The following ADK variants were observed in gnomAD, a reference collection of about 807,000 sequenced individuals.
The protein encoded by ADK is adenosine kinase, also known as N6,N6-dimethyladenosine kinase.
ADK carries 24 observed loss-of-function variants against 44.7 expected under a neutral mutation model. The observed-to-expected ratio is 0.54, with a 90% CI of 0.39 to 0.76. The LOEUF is 0.76. Among genes scored for constraint, ADK ranks in the 30% least tolerant of loss-of-function variants. The pLI is 0.00. For synonymous variants in ADK, 128 were observed against 142.6 expected (o/e 0.90, Z 0.73); for missense variants, 321 against 425.1 (o/e 0.76, Z 2.15).
At chr10:74,623,313 C>A (rs10509350) in intron 9 of ADK, among the ~76,000 whole-genome samples, 31,818 of 152,068 alleles carry the variant, frequency 0.21, 4,056 homozygotes, top group African/African-American at 0.35. Context: ...CCCTGTCTTA[C>A]AGTATCCCTC....
chr10:74,628,329 A>G (rs1324647895), intron 9 of ADK, among the ~76,000 whole-genome samples: 2 of 152,004 alleles, frequency 1.3e-5, no homozygotes, highest in African/African-American at 4.8e-5. Context: ...CGATTCTTGG[A>G]TGTTGACCTC....
At chr10:74,297,172 T>G (rs1330033579) in intron 3 of ADK, among the ~76,000 whole-genome samples, 4 of 152,224 alleles carry the variant, frequency 2.6e-5, no homozygotes, top group Non-Finnish European at 4.4e-5. Flanking sequence ...GTATTTTGTG[T>G]GTGCATAGTA....
intron 3 of ADK, among the ~76,000 whole-genome samples, chr10:74,254,345 G>A (rs1240994871): frequency 6.6e-6 from 1 of 151,746 alleles, no homozygotes; most frequent in Non-Finnish European, 1.5e-5. Flanking sequence ...ACCTAATTTT[G>A]TATTCCTTTC....
At chr10:74,660,972 C>T (rs1019962722) in intron 9 of ADK, among the ~76,000 whole-genome samples, 2 of 151,862 alleles carry the variant, frequency 1.3e-5, no homozygotes, top group African/African-American at 4.8e-5. Context: ...GCGGAGGTTG[C>T]AGTGAGCTGA....
At chr10:74,254,897 C>A (rs144964748) in intron 3 of ADK, among the ~76,000 whole-genome samples, 4 of 152,054 alleles carry the variant, frequency 2.6e-5, no homozygotes, top group Non-Finnish European at 4.4e-5. Flanking sequence ...AGTGGATAAT[C>A]ATTGTTCAAA....
intron 9 of ADK, among the ~76,000 whole-genome samples, chr10:74,644,957 G>A (rs958551218): frequency 5.3e-5 from 8 of 152,124 alleles, no homozygotes; most frequent in Non-Finnish European, 1.2e-4. Context: ...AGTCATGTGG[G>A]AATTTCCTCT....
At chr10:74,559,807 T>C (rs952548608) in intron 7 of ADK, among the ~76,000 whole-genome samples, 1 of 152,130 alleles carries the variant, frequency 6.6e-6, no homozygotes. Flanking sequence ...TTTGCCTAGC[T>C]TTCTTTTTCT....
At chr10:74,226,688 A>G (rs2132251724) in intron 3 of ADK, among the ~76,000 whole-genome samples, 1 of 152,022 alleles carries the variant, frequency 6.6e-6, no homozygotes, top group East Asian at 1.9e-4. Context: ...TTATAAACTG[A>G]GTCATATATA....
chr10:74,454,522 G>A (rs942550949), intron 6 of ADK, among the ~76,000 whole-genome samples: 3 of 152,098 alleles, frequency 2.0e-5, no homozygotes, highest in African/African-American at 2.4e-5. Flanking sequence ...AAGTTGCGCT[G>A]CTTACTAGTT....
intron 4 of ADK, among the ~76,000 whole-genome samples, chr10:74,363,749 C>A (rs748202215): frequency 6.6e-6 from 1 of 152,138 alleles, no homozygotes; most frequent in Non-Finnish European, 1.5e-5. Context: ...TACCCCTCTT[C>A]CAGCAGATCT....
chr10:74,539,412 A>G (rs1849554740), intron 7 of ADK, among the ~76,000 whole-genome samples: 3 of 152,166 alleles, frequency 2.0e-5, no homozygotes, highest in Admixed American at 2.0e-4. Flanking sequence ...GACAAAAGAG[A>G]TGATCTTTTC....
At chr10:74,657,975 C>T (rs1007380351) in intron 9 of ADK, among the ~76,000 whole-genome samples, 2 of 152,060 alleles carry the variant, frequency 1.3e-5, no homozygotes, top group African/African-American at 4.8e-5. Flanking sequence ...TTGATACATA[C>T]ACAAGAATAA....
At chr10:74,578,839 T>C (rs1328404426) in intron 7 of ADK, among the ~76,000 whole-genome samples, 1 of 152,220 alleles carries the variant, frequency 6.6e-6, no homozygotes, top group African/African-American at 2.4e-5. Flanking sequence ...ATGTAGATTA[T>C]GGTAAAGTAG....
intron 4 of ADK, among the ~76,000 whole-genome samples, chr10:74,384,784 A>G (rs1843087755): frequency 6.6e-6 from 1 of 152,242 alleles, no homozygotes; most frequent in African/African-American, 2.4e-5. Context: ...AAACAGAAAC[A>G]GAATGAAGTA....
intron 10 of ADK, among the ~76,000 whole-genome samples, chr10:74,685,602 T>C (rs1855757190): frequency 6.6e-6 from 1 of 152,244 alleles, no homozygotes; most frequent in South Asian, 2.1e-4. Flanking sequence ...CTTTTCACAA[T>C]TGTATTTAGA....
intron 4 of ADK, among the ~76,000 whole-genome samples, chr10:74,372,919 C>T (rs906410143): frequency 2.6e-5 from 4 of 152,250 alleles, no homozygotes; most frequent in African/African-American, 9.6e-5. Context: ...AATTGTGTTT[C>T]TCACTTCCCA....
intron 6 of ADK, among the ~76,000 whole-genome samples, chr10:74,460,812 C>G (rs962538106): frequency 6.6e-6 from 1 of 152,216 alleles, no homozygotes; most frequent in South Asian, 2.1e-4. Context: ...TAAAGTGCTT[C>G]TTTTATTCAT....
At chr10:74,202,181 A>T (rs1843421973) in intron 2 of ADK, among the ~76,000 whole-genome samples, 1 of 152,174 alleles carries the variant, frequency 6.6e-6, no homozygotes, top group South Asian at 2.1e-4. Flanking sequence ...TAGAAATGGA[A>T]TCATATAATA....
intron 10 of ADK, among the ~76,000 whole-genome samples, chr10:74,680,241 G>C (rs1297534143): frequency 1.3e-5 from 2 of 151,430 alleles, no homozygotes; most frequent in Non-Finnish European, 2.9e-5. Context: ...CGTGAACCTG[G>C]GAGGCAGAGC....
Sources: allele counts gnomAD v4.1 joint callset (sites outside exome capture counted in the v4.1 genomes callset), GRCh38; gene constraint gnomAD v4.1.1; transcripts MANE v1.5; gene names NCBI Gene and HGNC (gene_info 2026-07-23, HGNC 2026-07-21).